Variants in ADAMTS9 observed in about 807,000 individuals in gnomAD.
ADAMTS9 encodes the protein ADAM metallopeptidase with thrombospondin type 1 motif 9, also known as A disintegrin and metalloproteinase with thrombospondin motifs 9.
A neutral mutation model predicts 257.1 loss-of-function variants in ADAMTS9; 107 were observed. The observed-to-expected ratio is 0.42, with a 90% CI of 0.36 to 0.49. The LOEUF (loss-of-function observed/expected upper bound fraction) is 0.49, where lower values mean the gene tolerates loss of function less well. Ranked by LOEUF, ADAMTS9 falls within the 20% of genes least tolerant of loss-of-function variation. The pLI is 0.03. For synonymous variants in ADAMTS9, 982 were observed against 880.9 expected (o/e 1.11, Z -2.03); for missense variants, 2,353 against 2,469.1 (o/e 0.95, Z 1.00).
chr3:64,623,634 C>T (rs183778079), intron 16 of ADAMTS9, among the ~76,000 whole-genome samples: 152 of 152,286 alleles, frequency 1.0e-3, no homozygotes, highest in Admixed American at 2.7e-3. Context: ...GATTAATACA[C>T]CAACCCAGAC....
chr3:64,571,527 AT>A (rs747569783), intron 28 of ADAMTS9, among the ~76,000 whole-genome samples: 2 of 152,204 alleles, frequency 1.3e-5, no homozygotes, highest in Non-Finnish European at 2.9e-5. Context: ...ACAATGCCTT[AT>A]CTTTTCACTA....
intron 3 of ADAMTS9, among the ~76,000 whole-genome samples, chr3:64,680,069 T>C (rs1255181199): frequency 1.3e-5 from 2 of 152,196 alleles, no homozygotes; most frequent in Non-Finnish European, 2.9e-5. Flanking sequence ...ATTTGGCTAC[T>C]TGTAGGTTAT....
chr3:64,578,289 TAAAA>T (rs59527905), intron 28 of ADAMTS9, among the ~76,000 whole-genome samples: 1 of 142,452 alleles, frequency 7.0e-6, no homozygotes. Context: ...TTCCTTTGGT[TAAAA>T]AAAAAAAAAG....
intron 3 of ADAMTS9, among the ~76,000 whole-genome samples, chr3:64,671,604 C>T (rs1444323394): frequency 6.6e-6 from 1 of 152,166 alleles, no homozygotes; most frequent in South Asian, 2.1e-4. Flanking sequence ...TTTTAACATT[C>T]ATTCTAATTC....
chr3:64,527,940 C>T (rs1021766682), intron 38 of ADAMTS9, among the ~76,000 whole-genome samples: 3 of 152,294 alleles, frequency 2.0e-5, no homozygotes, highest in South Asian at 4.1e-4. Flanking sequence ...TGCCTGAACT[C>T]CACTGTTTGC....
intron 12 of ADAMTS9, among the ~76,000 whole-genome samples, chr3:64,637,376 T>C (rs762835832): frequency 2.0e-5 from 3 of 152,182 alleles, no homozygotes; most frequent in African/African-American, 7.2e-5. Context: ...TTTTAAAATA[T>C]TGCATGTCAA....
chr3:64,637,639 C>T (rs191263621), intron 12 of ADAMTS9, among the ~76,000 whole-genome samples: 7 of 152,254 alleles, frequency 4.6e-5, no homozygotes, highest in East Asian at 1.9e-4. Flanking sequence ...CGTTTAGGTA[C>T]GATGAATTAG....
At chr3:64,606,715 A>G (rs1486339095) in intron 23 of ADAMTS9, among the ~76,000 whole-genome samples, 1 of 152,176 alleles carries the variant, frequency 6.6e-6, no homozygotes, top group East Asian at 1.9e-4. Context: ...CCAAAACCCA[A>G]CATTCATCAT....
intron 16 of ADAMTS9, among the ~76,000 whole-genome samples, chr3:64,629,415 T>C (rs1264288655): frequency 6.6e-6 from 1 of 152,250 alleles, no homozygotes; most frequent in Admixed American, 6.5e-5. Flanking sequence ...TAACCTTACC[T>C]AGGAGTGTCC....
chr3:64,677,711 C>A (rs1701655082), intron 3 of ADAMTS9, among the ~76,000 whole-genome samples: 1 of 151,808 alleles, frequency 6.6e-6, no homozygotes, highest in Non-Finnish European at 1.5e-5. Context: ...CTCATTTAGC[C>A]CTAACTTCAA....
chr3:64,517,416 G>GTTTTTTTTTTTTTTTTTTTGTTTTT (rs2082790085), intron 39 of ADAMTS9, among the ~76,000 whole-genome samples: 1 of 52,638 alleles, frequency 1.9e-5, no homozygotes, highest in Non-Finnish European at 3.8e-5. Context: ...ATTAAAAATG[G>GTTTTTTTTTTTTTTTTTTTGTTTTT]TTTTTTTTTT....
chr3:64,521,549 T>A (rs1160020960), intron 39 of ADAMTS9: 1 of 152,232 alleles, frequency 6.6e-6, no homozygotes, highest in Non-Finnish European at 1.5e-5. Flanking sequence ...TAGGTACCGA[T>A]TAATGGTGGA....
At chr3:64,557,260 G>C (rs1040531816) in intron 30 of ADAMTS9, among the ~76,000 whole-genome samples, 2 of 152,110 alleles carry the variant, frequency 1.3e-5, no homozygotes, top group Non-Finnish European at 2.9e-5. Flanking sequence ...ACACATGCAG[G>C]ACCTGTGAGA....
chr3:64,660,948 C>A (rs946207601), intron 3 of ADAMTS9, among the ~76,000 whole-genome samples: 1 of 152,138 alleles, frequency 6.6e-6, no homozygotes, highest in South Asian at 2.1e-4. Flanking sequence ...GCAAAAGTTA[C>A]GGATACAGTG....
chr3:64,608,233 T>A (rs1488804221), intron 22 of ADAMTS9, among the ~76,000 whole-genome samples: 4 of 46,062 alleles, frequency 8.7e-5, no homozygotes, highest in African/African-American at 2.0e-4. Context: ...CCTAAGGAAC[T>A]ACAAAATTAA....
At chr3:64,540,568 G>A (rs1301468919) in intron 36 of ADAMTS9, among the ~76,000 whole-genome samples, 1 of 152,160 alleles carries the variant, frequency 6.6e-6, no homozygotes, top group African/African-American at 2.4e-5. Context: ...GGCGAAAGCT[G>A]GGCTGGGGGT....
At chr3:64,519,328 C>T (rs529147549) in intron 39 of ADAMTS9, among the ~76,000 whole-genome samples, 54 of 152,178 alleles carry the variant, frequency 3.5e-4, no homozygotes, top group African/African-American at 1.3e-3. Context: ...GAAGCAGGAC[C>T]CCTAGAGATG....
At position 64,544,835 on chromosome 3, in the gene ADAMTS9, G is replaced by A. The variant is rs540619625; in HGVS notation, c.5064+1923C>T. 4.6e-5 allele frequency among the ~76,000 whole-genome samples: 7 copies of A among 152,272 alleles called. No individual in the cohort carries two copies. In the East Asian group the frequency reaches 5.8e-4, roughly 13 times the overall value. On this transcript the variant is annotated intron_variant, in intron 32 of 39. Coordinates refer to ENST00000498707, the MANE Select transcript of ADAMTS9 (RefSeq NM_182920.2). ...CATCAGAGTGAACAGGCAACCTACA[G>A]AATGGGAGAAAATTTTTACAATCTA...
At chr3:64,587,787 T>C (rs1218063989) in intron 28 of ADAMTS9, 2 of 152,172 alleles carry the variant, frequency 1.3e-5, no homozygotes, top group Non-Finnish European at 2.9e-5. Flanking sequence ...AAACCATTCA[T>C]GACAATGATC....
Sources: allele counts gnomAD v4.1 joint callset (sites outside exome capture counted in the v4.1 genomes callset), GRCh38; gene constraint gnomAD v4.1.1; transcripts MANE v1.5; gene names NCBI Gene and HGNC (gene_info 2026-07-23, HGNC 2026-07-21).